The following ADAMTS17 variants were observed in gnomAD, a reference collection of about 807,000 sequenced individuals.
ADAMTS17 encodes the protein A disintegrin and metalloproteinase with thrombospondin motifs 17.
A neutral mutation model predicts 141.5 loss-of-function variants in ADAMTS17; 113 were observed. The observed-to-expected ratio is 0.80, with a 90% CI of 0.69 to 0.93. The LOEUF (loss-of-function observed/expected upper bound fraction) is 0.93. ADAMTS17 is among the 40% of genes least tolerant of loss of function. The pLI is 0.00. For missense variants in ADAMTS17, 1,659 were observed against 1,517.9 expected, an observed-to-expected ratio of 1.09 and a Z score of -1.54; for synonymous variants, 768 against 630.6, an observed-to-expected ratio of 1.22 and a Z score of -3.27.
intron 8 of ADAMTS17, chr15:100,168,426 G>A (rs757601940): frequency 3.3e-5 from 5 of 152,344 alleles, no homozygotes; most frequent in African/African-American, 4.8e-5. Flanking sequence ...GAAACAGGGC[G>A]ATTTGGTGAG....
intron 10 of ADAMTS17, among the ~76,000 whole-genome samples, chr15:100,138,781 G>A (rs2038467494): frequency 6.6e-6 from 1 of 152,144 alleles, no homozygotes; most frequent in African/African-American, 2.4e-5. Flanking sequence ...TCCACTTAGG[G>A]GCGGGAGGCA....
At position 99,974,330 on chromosome 15, in the gene ADAMTS17, A is replaced by C. The variant is rs2060273768; in HGVS notation, c.*72T>G. ...GCAGCCGGGTGGGGGCGTGGCCACA[A>C]GGCTGGTAGGCTTGCGGGTGGGTGG... On this transcript the variant is annotated 3_prime_UTR_variant, in exon 22 of 22. Transcript: ENST00000268070. 15 of 1,604,654 alleles carry C rather than the reference A, an allele frequency of 9.3e-6. 1 individual carries two copies. The South Asian group carries it at 1.7e-4, about 18-fold the overall frequency.
At position 99,997,308 on chromosome 15, in the gene ADAMTS17, A is replaced by G; in HGVS notation, c.2796+77T>C. The G allele has an allele frequency of 6.5e-7, 1 of 1,547,294 alleles. No homozygotes were observed. On this transcript the variant is annotated intron_variant, in intron 19 of 21. Coordinates refer to ENST00000268070, the MANE Select transcript of ADAMTS17 (RefSeq NM_139057.4). The surrounding 1 kb of genome is among the most constrained non-coding windows in gnomAD (Gnocchi z 4.7). The stretch of plus-strand genomic sequence containing the variant: ...TGGGGGCGAGCGAGGGCTGGGAGGC[A>G]CCAGAATGTCACCAATACCATGGCA...
chr15:100,091,633 G>T (rs2035477217), intron 15 of ADAMTS17, among the ~76,000 whole-genome samples: 1 of 152,178 alleles, frequency 6.6e-6, no homozygotes, highest in East Asian at 1.9e-4. Context: ...GACTTGCTGT[G>T]AGATGTCTTG....
intron 10 of ADAMTS17, among the ~76,000 whole-genome samples, chr15:100,135,992 G>C (rs2038311060): frequency 6.6e-6 from 1 of 152,166 alleles, no homozygotes; most frequent in Non-Finnish European, 1.5e-5. Flanking sequence ...ATTTTAACTT[G>C]GTTCAACAGC....
Position 100,330,899 on chromosome 15 carries a change from C to T in ADAMTS17, c.606G>A (p.Lys202=). The change falls in exon 3 of 22, where the codon AAG becomes AAA. Residue 202 remains lysine, a synonymous_variant. Coordinates refer to ENST00000268070, the MANE Select transcript of ADAMTS17 (RefSeq NM_139057.4). The part of the protein sequence containing the change: ...AEAQRPEQLC[K]VLTEKKKPTW... ...GCTGCCCCGACTCACCTGTTAGAAC[C>T]TTGCAGAGCTGCTCAGGTCTCTGGG... is the stretch of plus-strand genomic sequence containing the variant. 1 of 1,614,160 alleles carries T rather than the reference C, an allele frequency of 6.2e-7. No individual in the cohort carries two copies. The highest frequency in any genetic ancestry group is 8.5e-7 in the Non-Finnish European group (1 of 1,180,028).
intron 8 of ADAMTS17, among the ~76,000 whole-genome samples, chr15:100,198,466 T>TC (rs2141629437): frequency 6.6e-6 from 1 of 152,278 alleles, no homozygotes; most frequent in South Asian, 2.1e-4. Flanking sequence ...CAATAATTTT[T>TC]CCCCCAAGAA....
At position 99,974,401 on chromosome 15, in the gene ADAMTS17, G is replaced by A; in HGVS notation, c.*1C>T. The A allele has an allele frequency of 6.2e-7, 1 of 1,614,166 alleles. No homozygotes were observed. Among genetic ancestry groups the A allele is most frequent in the Non-Finnish European group, 8.5e-7 (1 of 1,180,038 alleles). On this transcript the variant is annotated 3_prime_UTR_variant, in exon 22 of 22. Transcript: ENST00000268070. ...CTTTGAGCGACCCTTGGGACTGCGT[G>A]TCACGAGTTCGGCGGTGGCTGGCGC...
At chr15:99,978,504 T>A (rs934417462) in intron 20 of ADAMTS17, 3 of 152,246 alleles carry the variant, frequency 2.0e-5, no homozygotes, top group African/African-American at 7.2e-5. Flanking sequence ...TTGTTCCTTT[T>A]CTTAGATAAA....
chr15:99,987,613 C>T (rs1040119116), intron 20 of ADAMTS17, among the ~76,000 whole-genome samples: 3 of 152,192 alleles, frequency 2.0e-5, no homozygotes, highest in Non-Finnish European at 2.9e-5. Flanking sequence ...AACCATACGG[C>T]AAACGTAAAC....
intron 6 of ADAMTS17, among the ~76,000 whole-genome samples, chr15:100,259,093 A>G (rs1004845631): frequency 2.0e-5 from 3 of 152,224 alleles, no homozygotes; most frequent in African/African-American, 7.2e-5. Context: ...GCAAAACACC[A>G]GAAACTATAG....
chr15:100,159,300 C>T (rs1265548835), intron 8 of ADAMTS17, among the ~76,000 whole-genome samples: 2 of 152,182 alleles, frequency 1.3e-5, no homozygotes, highest in East Asian at 3.8e-4. Context: ...AAAAGAAATT[C>T]TGCGATATGC....
chr15:100,205,184 AAG>A (rs1295175266), intron 7 of ADAMTS17, among the ~76,000 whole-genome samples: 1 of 152,126 alleles, frequency 6.6e-6, no homozygotes, highest in African/African-American at 2.4e-5. Context: ...TGTCTCTGGT[AAG>A]AGAATCACAC....
At position 100,109,013 on chromosome 15, in the gene ADAMTS17, A is replaced by G. The variant is rs373760240; in HGVS notation, c.1992T>C (p.Asp664=). ...DGTPCGPYET[D]LCVHGKCQKI... ...CCTGGCACTTGCCGTGCACGCAGAG[A>G]TCAGTCTCGTAGGGCCCGCAGGGTG... Residue 664 remains aspartate, a synonymous_variant, in exon 14 of 22, where the codon GAT becomes GAC. Transcript: ENST00000268070. 1 of 1,614,046 alleles carries G rather than the reference A, an allele frequency of 6.2e-7. No individual in the cohort carries two copies.
intron 15 of ADAMTS17, among the ~76,000 whole-genome samples, chr15:100,074,905 A>T (rs1374912708): frequency 6.6e-6 from 1 of 152,078 alleles, no homozygotes; most frequent in Non-Finnish European, 1.5e-5. Context: ...TTATTTCCCT[A>T]TTCTCTATTA....
At chr15:100,317,064 G>A (rs1177392799) in intron 3 of ADAMTS17, among the ~76,000 whole-genome samples, 1 of 152,162 alleles carries the variant, frequency 6.6e-6, no homozygotes, top group Non-Finnish European at 1.5e-5. Context: ...TCTCCCCAAA[G>A]GGTAATTACG....
At chr15:100,210,750 G>C (rs546685568) in intron 7 of ADAMTS17, among the ~76,000 whole-genome samples, 2 of 152,260 alleles carry the variant, frequency 1.3e-5, no homozygotes, top group African/African-American at 4.8e-5. Context: ...TGGATCACTT[G>C]AGGTCAGGAG....
chr15:100,044,813 T>C (rs1180326615), intron 18 of ADAMTS17, among the ~76,000 whole-genome samples: 1 of 147,526 alleles, frequency 6.8e-6, no homozygotes, highest in African/African-American at 2.7e-5. Flanking sequence ...TTGGATTTTT[T>C]TTTTTTTTTT....
rs1179603606 is a variant in ADAMTS17 at position 100,331,073 on chromosome 15, G to A, written c.451-19C>T. 1.9e-6 allele frequency: 3 copies of A among 1,614,106 alleles called. No homozygotes were observed. Among genetic ancestry groups the A allele is most frequent in the African/African-American group, 1.3e-5 (1 of 75,038 alleles). ...GGCCAACCTGTCCAGAAAGGAGAAG[G>A]AAACGCGATGTCGGTCATCCTCACT... is the stretch of plus-strand genomic sequence containing the variant. On this transcript the variant is annotated intron_variant, in intron 2 of 21. Coordinates refer to ENST00000268070, the MANE Select transcript of ADAMTS17 (RefSeq NM_139057.4).
Sources: allele counts gnomAD v4.1 joint callset (sites outside exome capture counted in the v4.1 genomes callset), GRCh38; gene constraint gnomAD v4.1.1; non-coding constraint Gnocchi (gnomAD v3.1); transcripts MANE v1.5; gene names NCBI Gene and HGNC (gene_info 2026-07-23, HGNC 2026-07-21).